CSMD1: variants seen among roughly 807,000 people sequenced by gnomAD.
The protein encoded by CSMD1 is CUB and Sushi multiple domains 1.
In CSMD1, 213 loss-of-function variants were observed where a neutral mutation model predicts 417.5. That is an observed-to-expected ratio of 0.51 (90% CI 0.46 to 0.57). CSMD1 has a LOEUF of 0.57. Among genes scored for constraint, CSMD1 ranks in the 20% least tolerant of loss-of-function variants. CSMD1 has a pLI of 0.00. For synonymous variants in CSMD1, 2,862 were observed against 1,736.8 expected, an observed-to-expected ratio of 1.65 and a Z score of -16.11; for missense variants, 6,923 against 4,529.7, an observed-to-expected ratio of 1.53 and a Z score of -15.17.
intron 3 of CSMD1, among the ~76,000 whole-genome samples, chr8:4,241,708 CTTT>C (rs113859833): frequency 1.5e-5 from 2 of 135,750 alleles, no homozygotes; most frequent in African/African-American, 2.7e-5. Context: ...TTTTTTTTTT[CTTT>C]TTTTTTTTTT....
At chr8:4,153,796 T>C (rs1042084186) in intron 3 of CSMD1, among the ~76,000 whole-genome samples, 2 of 152,224 alleles carry the variant, frequency 1.3e-5, no homozygotes, top group South Asian at 2.1e-4. Flanking sequence ...ACAGTTTTTA[T>C]GTATTTGTGT....
chr8:3,801,528 TA>T (rs936799721), intron 5 of CSMD1, among the ~76,000 whole-genome samples: 1 of 152,104 alleles, frequency 6.6e-6, no homozygotes, highest in African/African-American at 2.4e-5. Flanking sequence ...TGTCGGAAAG[TA>T]AAATGTTAGA....
intron 46 of CSMD1, among the ~76,000 whole-genome samples, chr8:3,101,096 C>G (rs187297645): frequency 7.0e-6 from 1 of 143,524 alleles, no homozygotes; most frequent in Non-Finnish European, 1.5e-5. Context: ...ATTCTAAAAA[C>G]TATTGAAGGA....
chr8:3,375,503 C>T (rs1585073000), intron 18 of CSMD1, among the ~76,000 whole-genome samples: 1 of 152,152 alleles, frequency 6.6e-6, no homozygotes, highest in South Asian at 2.1e-4. Context: ...ATAGACTCTC[C>T]ATGCCCTACA....
At chr8:4,408,383 G>A (rs1214959295) in intron 3 of CSMD1, among the ~76,000 whole-genome samples, 11 of 152,182 alleles carry the variant, frequency 7.2e-5, no homozygotes, top group Admixed American at 6.5e-4. Flanking sequence ...TCAAAAAAGA[G>A]GCATTTTACC....
At chr8:3,235,528 C>A (rs530680380) in intron 26 of CSMD1, among the ~76,000 whole-genome samples, 1 of 152,236 alleles carries the variant, frequency 6.6e-6, no homozygotes, top group Admixed American at 6.5e-5. Flanking sequence ...ATTCCCATTG[C>A]ACATTAAGGA....
At chr8:3,228,001 C>G (rs1798616851) in intron 27 of CSMD1, among the ~76,000 whole-genome samples, 1 of 152,136 alleles carries the variant, frequency 6.6e-6, no homozygotes, top group African/African-American at 2.4e-5. Context: ...CTCCTGATGT[C>G]AAGTGATCTG....
At chr8:3,853,386 T>C (rs569894465) in intron 5 of CSMD1, among the ~76,000 whole-genome samples, 6 of 152,280 alleles carry the variant, frequency 3.9e-5, no homozygotes, top group South Asian at 2.1e-4. Context: ...ATGTAATGCA[T>C]TGGTATAGCA....
At chr8:4,078,961 T>G (rs1019251618) in intron 3 of CSMD1, among the ~76,000 whole-genome samples, 9 of 145,304 alleles carry the variant, frequency 6.2e-5, no homozygotes, top group Non-Finnish European at 1.3e-4. Context: ...AAAAGCTATC[T>G]TCTCTTCACT....
intron 5 of CSMD1, among the ~76,000 whole-genome samples, chr8:3,932,687 G>C (rs1421991134): frequency 1.3e-5 from 2 of 150,464 alleles, no homozygotes; most frequent in African/African-American, 2.5e-5. Context: ...AAACTCATAA[G>C]ATCGTAATTC....
chr8:3,631,752 A>C (rs1335629825), intron 7 of CSMD1, among the ~76,000 whole-genome samples: 1 of 152,204 alleles, frequency 6.6e-6, no homozygotes, highest in Non-Finnish European at 1.5e-5. Context: ...TGATTAAATA[A>C]AGCGCTCTCA....
chr8:3,980,438 C>T (rs181501907), intron 5 of CSMD1, among the ~76,000 whole-genome samples: 2 of 152,288 alleles, frequency 1.3e-5, no homozygotes, highest in African/African-American at 4.8e-5. Flanking sequence ...GGGAAATCTT[C>T]ACATCTTACA....
chr8:3,142,782 T>A (rs1818584102), intron 40 of CSMD1, 108 bp from the exon 41 acceptor site: 1 of 949,856 alleles, frequency 1.1e-6, no homozygotes, highest in Admixed American at 1.8e-5. Context: ...AATCCCTCTC[T>A]GTGAGACAGA....
At chr8:4,068,254 T>A (rs1286422623) in intron 3 of CSMD1, among the ~76,000 whole-genome samples, 1 of 152,088 alleles carries the variant, frequency 6.6e-6, no homozygotes, top group Admixed American at 6.6e-5. Context: ...CCCTCAAAGG[T>A]TGCCCTCCTC....
chr8:3,320,428 G>C (rs561433339), intron 23 of CSMD1, among the ~76,000 whole-genome samples: 6 of 152,146 alleles, frequency 3.9e-5, no homozygotes, highest in Non-Finnish European at 7.4e-5. Flanking sequence ...ATGAAAACAC[G>C]ATAAGCTCCT....
At position 4,111,729 on chromosome 8, in the gene CSMD1, T is replaced by C. The variant is rs191689754; in HGVS notation, c.416-79630A>G. 2.2e-3 allele frequency among the ~76,000 whole-genome samples: 340 copies of C among 152,114 alleles called. 2 individuals carry two copies. Among genetic ancestry groups the C allele is most frequent in the Non-Finnish European group, 3.5e-3 (239 of 67,974 alleles). On this transcript the variant is annotated intron_variant, in intron 3 of 69. Coordinates refer to ENST00000635120, the MANE Select transcript of CSMD1 (RefSeq NM_033225.6). Reference sequence around the variant, plus strand: ...GTGGGAGCTGAACAGTAGGAACACATGGAAACAGAGAGGGCAACAACACAC... The same window carrying C: ...GTGGGAGCTGAACAGTAGGAACACACGGAAACAGAGAGGGCAACAACACAC...
chr8:3,877,652 A>G (rs1805913536), intron 5 of CSMD1, among the ~76,000 whole-genome samples: 1 of 149,534 alleles, frequency 6.7e-6, no homozygotes, highest in Non-Finnish European at 1.5e-5. Flanking sequence ...TAGAATGTCT[A>G]TTTTCCCCTG....
intron 11 of CSMD1, 92 bp downstream of exon 11, chr8:3,493,531 C>A (rs540947503): frequency 4.3e-5 from 46 of 1,077,592 alleles, no homozygotes; most frequent in Non-Finnish European, 5.4e-5. Context: ...ACACCTGAGG[C>A]CGAATTACAA....
chr8:3,271,591 T>C (rs1801858751), intron 26 of CSMD1, among the ~76,000 whole-genome samples: 1 of 152,046 alleles, frequency 6.6e-6, no homozygotes, highest in South Asian at 2.1e-4. Context: ...CCAGCACCTG[T>C]TGTTTCCTCA....
Sources: gnomAD v4.1 joint callset for allele counts (sites outside exome capture counted in the v4.1 genomes callset) on GRCh38, gnomAD v4.1.1 for gene constraint, MANE v1.5 for transcripts, NCBI Gene and HGNC (gene_info 2026-07-23, HGNC 2026-07-21) for gene names.